The following SUN1 variants were observed in gnomAD, a reference collection of about 807,000 sequenced individuals.
SUN1 encodes the protein Sad1 and UNC84 domain containing 1.
A neutral mutation model predicts 103.2 loss-of-function variants in SUN1; 61 were observed. The observed-to-expected ratio is 0.59, with a 90% confidence interval of 0.48 to 0.73. SUN1 has a LOEUF of 0.73. Among genes scored for constraint, SUN1 ranks in the 30% least tolerant of loss-of-function variants. The pLI, the probability that SUN1 is intolerant of heterozygous loss-of-function variation, is 0.00. For missense variants in SUN1, 1,052 were observed against 1,034.6 expected (o/e 1.02, Z -0.23); for synonymous variants, 490 against 425.7 (o/e 1.15, Z -1.86).
At chr7:851,760 T>G (rs1822384541) in intron 6 of SUN1, 190 bp from the exon 7 acceptor site, 1 of 636,112 alleles carries the variant, frequency 1.6e-6, no homozygotes, top group African/African-American at 1.8e-5. Flanking sequence ...TCCTGCATTC[T>G]GTCCTGTGTG....
At chr7:849,457 G>C (rs1035433136) in intron 5 of SUN1, 14 of 1,216,798 alleles carry the variant, frequency 1.2e-5, no homozygotes, top group African/African-American at 1.5e-5. Context: ...CTTCATCAGG[G>C]TGCGAGAAGC....
intron 2 of SUN1, among the ~76,000 whole-genome samples, chr7:841,086 A>G (rs1465803445): frequency 4.0e-5 from 6 of 151,796 alleles, no homozygotes; most frequent in Non-Finnish European, 5.9e-5. Flanking sequence ...GGCATGTGCC[A>G]CCATGCCCAG....
rs1308287804 is a variant in SUN1, at chr7:873,451, G to A, written c.*120G>A. The A allele has an allele frequency of 4.9e-6, 5 of 1,012,930 alleles. No individual in the cohort carries two copies. The highest frequency in any genetic ancestry group is 2.4e-5 in the East Asian group (1 of 40,902). 62.7% of individuals were successfully genotyped at this position (1,012,930 alleles called of 1,614,324 possible). On this transcript the variant is annotated 3_prime_UTR_variant, in exon 19 of 19. Transcript: ENST00000401592. ...ACAGTGCCACACTCCTTCAATAAAC[G>A]TGGCTGCTGGCCAGAGGACGTGAGC...
In SUN1 at chr7:824,309, C is replaced by T. The variant is rs188659996; in HGVS notation, c.-74+7636C>T. Among the ~76,000 whole-genome samples, 71 of 152,336 alleles carry T rather than the reference C, an allele frequency of 4.7e-4. No homozygotes were observed. The South Asian group carries it at 5.0e-3, about 11-fold the overall frequency. On this transcript the variant is annotated intron_variant, in intron 1 of 17. Transcript: ENST00000389574. ...TGAGCCTCTGGGTCCAGACCCAGCA[C>T]GGGCTCTGCAGGAGGAGGATGCTGA...
chr7:853,736 C>A lies in SUN1; in HGVS notation c.1263+118C>A, dbSNP rs867328679. On this transcript the variant is annotated intron_variant, in intron 10 of 18. Transcript: ENST00000401592. Reference sequence around the variant, plus strand: ...AGGTGCCGTTGTGAAAAGGGGTTGCCCTTTCTGTTCTTAGTTGTTGAGAGC... The same window carrying A: ...AGGTGCCGTTGTGAAAAGGGGTTGCACTTTCTGTTCTTAGTTGTTGAGAGC... 49 of 1,155,644 alleles carry A rather than the reference C, an allele frequency of 4.2e-5. 1 individual carries two copies. In the Middle Eastern group the frequency reaches 1.5e-3, roughly 34 times the overall value. The allele number at this position is 1,155,644 out of a possible 1,614,324, so 71.6% of individuals were successfully genotyped here. A position where few individuals can be genotyped will look rare whatever the true frequency, so the allele number is the denominator to read the frequency against.
intron 5 of SUN1, chr7:849,902 T>A: frequency 6.3e-7 from 1 of 1,583,938 alleles, no homozygotes. Flanking sequence ...CCACACTCAC[T>A]GCCTGTCACC....
At chr7:821,636 G>GT (rs1240774471) in intron 1 of SUN1, among the ~76,000 whole-genome samples, 5 of 152,218 alleles carry the variant, frequency 3.3e-5, no homozygotes, top group Non-Finnish European at 5.9e-5. Flanking sequence ...GCCAGGGAGT[G>GT]TTTTTTTGTG....
At chr7:835,846 C>A (rs1316553476) in intron 1 of SUN1, among the ~76,000 whole-genome samples, 2 of 152,332 alleles carry the variant, frequency 1.3e-5, no homozygotes, top group East Asian at 3.9e-4. Context: ...TGCTGCTGCC[C>A]ATGCTCAGAT....
Position 852,002 on chromosome 7 carries a change from T to C in SUN1, c.810T>C (p.Phe270=). 2 of 1,614,168 alleles carry C rather than the reference T, an allele frequency of 1.2e-6. No individual in the cohort carries two copies. Among genetic ancestry groups the C allele is most frequent in the East Asian group, 2.2e-5 (1 of 44,884 alleles). ...GGCTGGGGATTGGATGGTACCAGTT[T>C]GTTACTTTGATTTCTTGGCTGAATG... The part of the protein sequence containing the change: ...FWWLGIGWYQ[F]VTLISWLNVF... The change falls in exon 7 of 19, where the codon TTT becomes TTC. Residue 270 remains phenylalanine (F), a synonymous_variant. Coordinates refer to ENST00000401592, the MANE Select transcript of SUN1 (RefSeq NM_001130965.3).
chr7:837,605 T>A (rs999332377), intron 1 of SUN1, among the ~76,000 whole-genome samples: 8 of 152,246 alleles, frequency 5.3e-5, no homozygotes, highest in African/African-American at 1.9e-4. Flanking sequence ...TACTTAATTC[T>A]CTCTAATCCT....
chr7:846,447 C>G (rs1285895409), intron 5 of SUN1, among the ~76,000 whole-genome samples: 1 of 152,052 alleles, frequency 6.6e-6, no homozygotes, highest in Non-Finnish European at 1.5e-5. Flanking sequence ...GTGGCACGTA[C>G]CTGTAGTCCC....
At chr7:870,407 T>C (rs1377916991) in intron 17 of SUN1, among the ~76,000 whole-genome samples, 2 of 151,814 alleles carry the variant, frequency 1.3e-5, no homozygotes, top group African/African-American at 4.8e-5. Context: ...CTGGCCAAAA[T>C]GGTGAAACCC....
intron 1 of SUN1, among the ~76,000 whole-genome samples, chr7:820,334 C>A (rs886311636): frequency 1.3e-5 from 2 of 152,190 alleles, no homozygotes; most frequent in Non-Finnish European, 2.9e-5. Context: ...CTTTCTGGTG[C>A]TATTGTAAAA....
rs556841726 is a variant in SUN1 at position 820,618 on chromosome 7, G to A, written c.-74+3945G>A. 1.2e-4 allele frequency among the ~76,000 whole-genome samples: 18 copies of A among 152,354 alleles called. No individual in the cohort carries two copies. In the South Asian group the frequency reaches 3.5e-3, roughly 30 times the overall value. On this transcript the variant is annotated intron_variant, in intron 1 of 17. Transcript: ENST00000389574. ...ATAGTGTTGAAGAGCAGTGGTGAAA[G>A]TGGCCGCCCTTGTCTTGTTGCTCAT...
chr7:869,564 TC>T (rs1562837080), intron 17 of SUN1, 48 bp downstream of exon 17: 1 of 1,591,658 alleles, frequency 6.3e-7, no homozygotes, highest in South Asian at 1.1e-5. Flanking sequence ...TCCTGGGAGT[TC>T]CCACAGATGA....
chr7:831,208 G>A (rs918025390), upstream of SUN1, among the ~76,000 whole-genome samples: 5 of 152,036 alleles, frequency 3.3e-5, no homozygotes, highest in African/African-American at 4.8e-5. Context: ...TGGACTTGCC[G>A]AGCCTGTGTC....
At chr7:846,933 A>C (rs1286969546) in intron 5 of SUN1, among the ~76,000 whole-genome samples, 1 of 152,164 alleles carries the variant, frequency 6.6e-6, no homozygotes, top group Non-Finnish European at 1.5e-5. Flanking sequence ...AGGATCACTT[A>C]GGCCCAGAGT....
upstream of SUN1, chr7:816,589 G>A (rs1395094952): frequency 5.0e-6 from 2 of 398,002 alleles, no homozygotes; most frequent in Non-Finnish European, 9.9e-6. Flanking sequence ...GGCCCGGGGC[G>A]CGGCCCGCGA....
intron 1 of SUN1, among the ~76,000 whole-genome samples, chr7:818,898 C>T (rs1366311705): frequency 1.3e-5 from 2 of 149,454 alleles, no homozygotes; most frequent in Non-Finnish European, 3.0e-5. Context: ...GAGTTTCGCT[C>T]TGTCGCCCAG....
Sources: gnomAD v4.1 joint callset for allele counts (sites outside exome capture counted in the v4.1 genomes callset) on GRCh38, gnomAD v4.1.1 for gene constraint, MANE v1.5 for transcripts, NCBI Gene and HGNC (gene_info 2026-07-23, HGNC 2026-07-21) for gene names.